The following SPTA1 variants were observed in gnomAD, a reference collection of about 807,000 sequenced individuals.
SPTA1 encodes the protein spectrin alpha, erythrocytic 1.
A neutral mutation model predicts 324.7 loss-of-function variants in SPTA1; 177 were observed. That is an observed-to-expected ratio of 0.55 (90% CI 0.48 to 0.62). The LOEUF (loss-of-function observed/expected upper bound fraction) is 0.62, where lower values mean the gene tolerates loss of function less well. Ranked by LOEUF, SPTA1 falls within the 20% of genes least tolerant of loss-of-function variation. The pLI is 0.00. For synonymous variants in SPTA1, 1,195 were observed against 1,041.3 expected, an observed-to-expected ratio of 1.15 and a Z score of -2.84; for missense variants, 3,162 against 2,883.6, an observed-to-expected ratio of 1.10 and a Z score of -2.21.
chr1:158,643,308 C>T lies in SPTA1; in HGVS notation c.4442+14G>A. 6.2e-7 allele frequency: 1 copy of T among 1,613,538 alleles called. No individual in the cohort carries two copies. Among genetic ancestry groups the T allele is most frequent in the East Asian group, 2.2e-5 (1 of 44,876 alleles). On this transcript the variant is annotated intron_variant, in intron 31 of 51. Coordinates refer to ENST00000643759, the MANE Select transcript of SPTA1 (RefSeq NM_003126.4). Reference sequence around the variant, plus strand: ...ATCTTCCTTTGGCACATAAAACAATCACTCAGGCCTGACCTGTCTAGTACA... The same window carrying T: ...ATCTTCCTTTGGCACATAAAACAATTACTCAGGCCTGACCTGTCTAGTACA...
In SPTA1 at chr1:158,618,034, C is replaced by G; in HGVS notation, c.6548+5G>C. The stretch of plus-strand genomic sequence containing the variant: ...GCAAACATGATGATAACATAAAATA[C>G]TGACCCATCCAGAAAGTAAGCCCTG... On this transcript the variant is annotated splice_donor_5th_base_variant and intron_variant, in intron 46 of 51. Transcript: ENST00000643759. The G allele has an allele frequency of 6.2e-7, 1 of 1,611,342 alleles. No individual in the cohort carries two copies. Among genetic ancestry groups the G allele is most frequent in the Non-Finnish European group, 8.5e-7 (1 of 1,177,432 alleles).
chr1:158,645,112 C>A, intron 29 of SPTA1, 76 bp downstream of exon 29: 6 of 1,488,858 alleles, frequency 4.0e-6, no homozygotes, highest in Non-Finnish European at 4.7e-6. Flanking sequence ...GTGAACGGAG[C>A]CTGTAATGAC....
rs201336751 is a variant in SPTA1, at chr1:158,642,458, A to T, written c.4690T>A (p.Ser1564Thr). 65 of 1,613,702 alleles carry T rather than the reference A, an allele frequency of 4.0e-5. No homozygotes were observed. The East Asian group carries it at 1.4e-3, about 34-fold the overall frequency. The change falls in exon 33 of 52, where the codon TCC becomes ACC. Residue 1564 changes from serine (S) to threonine (T), a missense_variant. Ser to Thr is a moderately conservative substitution (Grantham distance 58). Coordinates refer to ENST00000643759, the MANE Select transcript of SPTA1 (RefSeq NM_003126.4). ...QVHGVINLGN[S>T]LIECSACDGN... ...TCACAAGCGCTACACTCAATCAGGG[A>T]GTTCCCCAGGTTGATGACGCCATGC...
chr1:158,623,085 A>T lies in SPTA1; in HGVS notation c.6018T>A (p.Ile2006=). Residue 2006 remains isoleucine (I), a synonymous_variant, in exon 43 of 52, where the codon ATT becomes ATA. Transcript: ENST00000643759. ...ISAQHNQSKA[I]EERYAALLKR... ...TCAGCAGAGCGGCATAACGCTCTTC[A>T]ATGGCTTTAGACTGGTTGTGTTGAG... 1 of 1,614,126 alleles carries T rather than the reference A, an allele frequency of 6.2e-7. No homozygotes were observed. Among genetic ancestry groups the T allele is most frequent in the South Asian group, 1.1e-5 (1 of 91,072 alleles).
intron 16 of SPTA1, among the ~76,000 whole-genome samples, chr1:158,665,497 T>G (rs1046776895): frequency 7.9e-5 from 12 of 152,198 alleles, no homozygotes; most frequent in African/African-American, 2.7e-4. Flanking sequence ...AAGCTAGGAT[T>G]CCTGGGATGA....
intron 1 of SPTA1, 58 bp downstream of exon 1, chr1:158,686,436 A>T: frequency 8.2e-7 from 1 of 1,212,290 alleles, no homozygotes. Context: ...AGTTTAAAGG[A>T]AACATCTTTC....
At chr1:158,677,641 T>A in intron 7 of SPTA1, 49 bp downstream of exon 7, 1 of 1,608,442 alleles carries the variant, frequency 6.2e-7, no homozygotes, top group Non-Finnish European at 8.5e-7. Flanking sequence ...TAATCAACAA[T>A]TGCCTCTTCT....
chr1:158,616,416 T>G (rs956919236), intron 47 of SPTA1, among the ~76,000 whole-genome samples: 17 of 152,136 alleles, frequency 1.1e-4, no homozygotes, highest in African/African-American at 4.1e-4. Flanking sequence ...CCCCCTACCA[T>G]TCCTATCCTC....
At chr1:158,620,088 A>G in intron 44 of SPTA1, 82 bp downstream of exon 44, 2 of 1,524,888 alleles carry the variant, frequency 1.3e-6, no homozygotes, top group African/African-American at 2.7e-5. Flanking sequence ...TGTTCCTTCT[A>G]TGTCAAAAGT....
chr1:158,653,465 G>A (rs1313766061), intron 21 of SPTA1, 40 bp from the exon 22 acceptor site: 1 of 1,612,410 alleles, frequency 6.2e-7, no homozygotes, highest in Non-Finnish European at 8.5e-7. Flanking sequence ...ATTAATTCTT[G>A]GAAAAGCAAC....
intron 17 of SPTA1, 148 bp downstream of exon 17, chr1:158,662,554 T>G (rs1653299776): frequency 9.5e-7 from 1 of 1,049,324 alleles, no homozygotes; most frequent in African/African-American, 1.6e-5. Context: ...AAAAATATTT[T>G]TATGAAGGAC....
chr1:158,626,782 G>C, intron 41 of SPTA1, 57 bp downstream of exon 41: 1 of 1,606,824 alleles, frequency 6.2e-7, no homozygotes, highest in Non-Finnish European at 8.5e-7. Context: ...TCTACACATG[G>C]ATGGGATTTA....
intron 36 of SPTA1, 125 bp from the exon 37 acceptor site, chr1:158,636,886 C>T (rs1651124020): frequency 6.4e-7 from 1 of 1,553,066 alleles, no homozygotes; most frequent in Non-Finnish European, 8.7e-7. Flanking sequence ...TCTGTAATAC[C>T]CTGGTGCCAA....
chr1:158,641,327 A>G (rs1041966439), intron 33 of SPTA1, among the ~76,000 whole-genome samples: 1 of 152,214 alleles, frequency 6.6e-6, no homozygotes, highest in African/African-American at 2.4e-5. Context: ...ATTAAACTAA[A>G]GAGCTTCTGC....
chr1:158,640,031 C>T (rs900308162), intron 33 of SPTA1, 24 bp from the exon 34 acceptor site: 4 of 1,613,486 alleles, frequency 2.5e-6, no homozygotes, highest in South Asian at 1.1e-5. Flanking sequence ...AGTGAGGAGT[C>T]ATTACAATCT....
intron 8 of SPTA1, among the ~76,000 whole-genome samples, chr1:158,675,307 T>C (rs1654319433): frequency 6.6e-6 from 1 of 152,182 alleles, no homozygotes; most frequent in Non-Finnish European, 1.5e-5. Context: ...GAAGTTATTT[T>C]GATGCTCTTC....
intron 36 of SPTA1, 71 bp downstream of exon 36, chr1:158,637,962 A>G (rs780700463): frequency 6.6e-7 from 1 of 1,522,562 alleles, no homozygotes; most frequent in Admixed American, 1.7e-5. Flanking sequence ...TTTCAGCATA[A>G]ATTGGAACAA....
chr1:158,630,351 G>A (rs1650588903), intron 39 of SPTA1, among the ~76,000 whole-genome samples: 1 of 152,028 alleles, frequency 6.6e-6, no homozygotes, highest in Non-Finnish European at 1.5e-5. Context: ...TGTATATGTA[G>A]TTAACTGGTC....
intron 21 of SPTA1, 82 bp downstream of exon 21, chr1:158,654,529 A>C: frequency 1.9e-6 from 3 of 1,576,100 alleles, no homozygotes; most frequent in Non-Finnish European, 2.6e-6. Flanking sequence ...TTAGATGGTA[A>C]AAATATGAAT....
Sources: allele counts gnomAD v4.1 joint callset (sites outside exome capture counted in the v4.1 genomes callset), GRCh38; gene constraint gnomAD v4.1.1; transcripts MANE v1.5; gene names NCBI Gene and HGNC (gene_info 2026-07-23, HGNC 2026-07-21).